The following ANKS1B variants were observed in gnomAD, a reference collection of about 807,000 sequenced individuals.
ANKS1B encodes ankyrin repeat and sterile alpha motif domain containing 1B.
Under a neutral mutation model 148.3 loss-of-function variants are expected in ANKS1B, and 36 were observed. That is an observed-to-expected ratio of 0.24 (90% CI 0.19 to 0.32). ANKS1B has a LOEUF of 0.32. ANKS1B is among the 10% of genes least tolerant of loss of function. The pLI, the probability that ANKS1B is intolerant of heterozygous loss-of-function variation, is 1.00. For synonymous variants in ANKS1B, 542 were observed against 560.8 expected (o/e 0.97, Z 0.47); for missense variants, 1,157 against 1,542.6 (o/e 0.75, Z 4.19).
intron 17 of ANKS1B, among the ~76,000 whole-genome samples, chr12:98,853,404 A>G (rs559289498): frequency 1.0e-3 from 153 of 152,286 alleles, no homozygotes; most frequent in African/African-American, 3.3e-3. Flanking sequence ...CCGAGGGCCC[A>G]TGGAGAGCGT....
intron 9 of ANKS1B, among the ~76,000 whole-genome samples, chr12:99,567,938 C>G (rs1163626245): frequency 6.6e-6 from 1 of 152,126 alleles, no homozygotes; most frequent in Non-Finnish European, 1.5e-5. Context: ...CTCCCCTGCC[C>G]CCAGCACCAC....
intron 1 of ANKS1B, among the ~76,000 whole-genome samples, chr12:99,914,974 C>T (rs963073130): frequency 2.6e-5 from 4 of 151,872 alleles, no homozygotes; most frequent in Middle Eastern, 3.2e-3. Flanking sequence ...ACCTGTAATC[C>T]CAGCACTTTG....
intron 25 of ANKS1B, among the ~76,000 whole-genome samples, chr12:98,760,566 A>G (rs961567517): frequency 1.3e-5 from 2 of 152,178 alleles, no homozygotes; most frequent in Non-Finnish European, 2.9e-5. Context: ...TTCCAGCAAA[A>G]TCTGGAACCT....
chr12:99,149,546 T>G (rs1240625563), intron 15 of ANKS1B, among the ~76,000 whole-genome samples: 1 of 152,178 alleles, frequency 6.6e-6, no homozygotes, highest in Non-Finnish European at 1.5e-5. Context: ...CAAGTCAATC[T>G]AGATGGCAAT....
chr12:98,834,221 T>C (rs1231083497), intron 17 of ANKS1B, among the ~76,000 whole-genome samples: 1 of 152,196 alleles, frequency 6.6e-6, no homozygotes, highest in East Asian at 1.9e-4. Flanking sequence ...GCTCCTCTTT[T>C]CCATAAATCA....
chr12:99,424,492 T>G (rs2095191299), intron 11 of ANKS1B, among the ~76,000 whole-genome samples: 1 of 148,968 alleles, frequency 6.7e-6, no homozygotes, highest in African/African-American at 2.4e-5. Flanking sequence ...GTCAAACCTG[T>G]GCTTAGCTAG....
intron 15 of ANKS1B, among the ~76,000 whole-genome samples, chr12:99,135,692 A>G (rs1266387739): frequency 6.6e-6 from 1 of 152,232 alleles, no homozygotes; most frequent in Admixed American, 6.5e-5. Flanking sequence ...TTAGATTCAC[A>G]AAGGGTTAGA....
intron 3 of ANKS1B, among the ~76,000 whole-genome samples, chr12:99,807,089 T>A (rs1269501258): frequency 6.6e-6 from 1 of 152,224 alleles, no homozygotes; most frequent in Non-Finnish European, 1.5e-5. Flanking sequence ...TTTAATAGAC[T>A]GGCTTTCCAA....
Position 99,244,383 on chromosome 12 carries a change from C to T in ANKS1B, c.2378G>A (p.Gly793Glu), listed in dbSNP as rs1218899239. ...CATCTCTTTAAGTTCGTTGTTGATT[C>T]CAACATCTATGGAACTCATTATTTT... is the stretch of plus-strand genomic sequence containing the variant. Reference protein sequence around the residue: ...IDKIMSSIDVGINNELKEMNG... With the variant: ...IDKIMSSIDVEINNELKEMNG... Residue 793 changes from glycine to glutamate, a missense_variant, in exon 14 of 27, where the codon GGA becomes GAA. Physicochemically the swap from Gly to Glu is moderately conservative, Grantham distance 98. Around this residue, in one of 6 missense-constraint regions of ANKS1B, gnomAD observed 661 missense variants for 642.1 expected, o/e 1.03. Transcript: ENST00000683438. The T allele has an allele frequency of 1.9e-6, 3 of 1,606,588 alleles. No homozygotes were observed. The highest frequency in any genetic ancestry group is 2.5e-6 in the Non-Finnish European group (3 of 1,177,208).
chr12:99,734,085 C>T (rs906518522), intron 8 of ANKS1B, among the ~76,000 whole-genome samples: 4 of 152,158 alleles, frequency 2.6e-5, no homozygotes, highest in African/African-American at 9.7e-5. Context: ...GAGGCTCTGC[C>T]TCCAATTTCT....
At chr12:99,033,191 G>A (rs1250250880) in intron 17 of ANKS1B, among the ~76,000 whole-genome samples, 1 of 152,156 alleles carries the variant, frequency 6.6e-6, no homozygotes, top group East Asian at 1.9e-4. Flanking sequence ...ATGAGCTTGT[G>A]CATAAAAGTC....
chr12:99,727,071 A>G (rs1452965437), intron 8 of ANKS1B, among the ~76,000 whole-genome samples: 1 of 152,196 alleles, frequency 6.6e-6, no homozygotes, highest in Non-Finnish European at 1.5e-5. Context: ...TCCCTTTGAA[A>G]ACTGGTGCAA....
intron 15 of ANKS1B, among the ~76,000 whole-genome samples, chr12:99,150,569 A>G (rs948239889): frequency 2.0e-5 from 3 of 152,134 alleles, no homozygotes; most frequent in Non-Finnish European, 2.9e-5. Flanking sequence ...AGATGAGCAA[A>G]GTTATTAAGA....
At chr12:99,461,836 T>C (rs1444538799) in intron 10 of ANKS1B, among the ~76,000 whole-genome samples, 1 of 152,226 alleles carries the variant, frequency 6.6e-6, no homozygotes, top group Admixed American at 6.5e-5. Flanking sequence ...TGTATTTCAT[T>C]ATGAACAGCA....
At chr12:98,872,258 G>T (rs903955351) in intron 17 of ANKS1B, among the ~76,000 whole-genome samples, 2 of 152,206 alleles carry the variant, frequency 1.3e-5, no homozygotes, top group African/African-American at 4.8e-5. Context: ...CTAATTAATG[G>T]CTGGGCATGG....
At chr12:98,890,524 T>G (rs1335497175) in intron 17 of ANKS1B, among the ~76,000 whole-genome samples, 1 of 152,210 alleles carries the variant, frequency 6.6e-6, no homozygotes, top group Non-Finnish European at 1.5e-5. Context: ...CAGTTACATT[T>G]TATATTTCTA....
chr12:99,264,024 T>C (rs1451721694), intron 12 of ANKS1B, among the ~76,000 whole-genome samples: 1 of 152,188 alleles, frequency 6.6e-6, no homozygotes. Flanking sequence ...AAATTCTATA[T>C]ACAATTCCCC....
intron 11 of ANKS1B, among the ~76,000 whole-genome samples, chr12:99,432,960 A>G (rs2095402435): frequency 6.6e-6 from 1 of 152,196 alleles, no homozygotes; most frequent in Non-Finnish European, 1.5e-5. Context: ...AGATGGGAAG[A>G]CATTGGAAGG....
intron 17 of ANKS1B, among the ~76,000 whole-genome samples, chr12:98,992,367 C>T (rs1420793953): frequency 2.6e-5 from 4 of 152,106 alleles, no homozygotes; most frequent in Non-Finnish European, 5.9e-5. Flanking sequence ...ATTTTAATCC[C>T]ACATGTCCAG....
Sources: gnomAD v4.1 joint callset for allele counts (sites outside exome capture counted in the v4.1 genomes callset) on GRCh38, gnomAD v4.1.1 for gene constraint, gnomAD v4.1.1 regional missense constraint, MANE v1.5 for transcripts, NCBI Gene and HGNC (gene_info 2026-07-23, HGNC 2026-07-21) for gene names.